CRACD: variants seen among roughly 807,000 people sequenced by gnomAD.
The protein encoded by CRACD is capping protein-inhibiting regulator of actin dynamics.
Under a neutral mutation model 106.8 loss-of-function variants are expected in CRACD, and 56 were observed. The ratio of observed to expected loss-of-function variants is 0.52; its 90% CI spans 0.42 to 0.66. The LOEUF (loss-of-function observed/expected upper bound fraction) is 0.66, where lower values mean the gene tolerates loss of function less well. Ranked by LOEUF, CRACD falls within the 30% of genes least tolerant of loss-of-function variation. The probability of loss-of-function intolerance (pLI) is 0.00; values close to 1 mark genes in which losing one functional copy is unlikely to be tolerated. For missense variants in CRACD, 1,730 were observed against 1,623.2 expected, an observed-to-expected ratio of 1.07 and a Z score of -1.13; for synonymous variants, 754 against 670.8, an observed-to-expected ratio of 1.12 and a Z score of -1.92.
chr4:56,244,564 G>GT (rs1324523484), intron 2 of CRACD, among the ~76,000 whole-genome samples: 1 of 152,190 alleles, frequency 6.6e-6, no homozygotes, highest in Non-Finnish European at 1.5e-5. Flanking sequence ...CAGGGTGGCT[G>GT]TATCAGTTGG....
At chr4:56,166,866 A>C (rs1442295567) in intron 1 of CRACD, among the ~76,000 whole-genome samples, 1 of 152,150 alleles carries the variant, frequency 6.6e-6, no homozygotes, top group Non-Finnish European at 1.5e-5. Context: ...GCCTTCAGCT[A>C]CAGTTTTCAA....
At chr4:56,177,329 T>C (rs1210986409) in intron 1 of CRACD, among the ~76,000 whole-genome samples, 1 of 152,232 alleles carries the variant, frequency 6.6e-6, no homozygotes, top group Non-Finnish European at 1.5e-5. Flanking sequence ...AATCATCATA[T>C]AGTTTTTGTC....
intron 1 of CRACD, among the ~76,000 whole-genome samples, chr4:56,137,644 G>C (rs568671897): frequency 6.6e-6 from 1 of 152,262 alleles, no homozygotes; most frequent in Admixed American, 6.5e-5. Flanking sequence ...CAGAACTCAG[G>C]TAACTTTTTA....
At chr4:56,071,644 G>T (rs1181004752) in intron 1 of CRACD, among the ~76,000 whole-genome samples, 1 of 151,906 alleles carries the variant, frequency 6.6e-6, no homozygotes, top group East Asian at 1.9e-4. Flanking sequence ...TGAGTAGCTG[G>T]TATTACAGAT....
At chr4:56,214,705 TA>T (rs1459364649) in intron 2 of CRACD, among the ~76,000 whole-genome samples, 1 of 85,296 alleles carries the variant, frequency 1.2e-5, no homozygotes, top group African/African-American at 4.1e-5. Flanking sequence ...ATCAAACAGT[TA>T]TTTTTTTTTA....
intron 2 of CRACD, among the ~76,000 whole-genome samples, chr4:56,238,225 T>C (rs1398427891): frequency 6.6e-6 from 1 of 152,224 alleles, no homozygotes; most frequent in Non-Finnish European, 1.5e-5. Context: ...GGCTGGAATC[T>C]TCTGAAGGCT....
intron 1 of CRACD, among the ~76,000 whole-genome samples, chr4:56,147,338 G>A (rs192367721): frequency 2.0e-5 from 3 of 152,272 alleles, no homozygotes; most frequent in East Asian, 1.9e-4. Context: ...TGGGATACTC[G>A]GTTATATCAT....
At chr4:56,135,606 T>C (rs374396808) in intron 1 of CRACD, among the ~76,000 whole-genome samples, 2 of 152,224 alleles carry the variant, frequency 1.3e-5, no homozygotes, top group South Asian at 4.1e-4. Flanking sequence ...CTTTATTTGA[T>C]GGATGCATGC....
At chr4:56,296,594 C>T (rs1160064748) in intron 3 of CRACD, among the ~76,000 whole-genome samples, 1 of 152,190 alleles carries the variant, frequency 6.6e-6, no homozygotes, top group Non-Finnish European at 1.5e-5. Context: ...GAGGCACTGC[C>T]TGGGAACACC....
chr4:56,188,282 C>A (rs1349111698), intron 2 of CRACD, among the ~76,000 whole-genome samples: 2 of 151,988 alleles, frequency 1.3e-5, no homozygotes, highest in African/African-American at 4.8e-5. Flanking sequence ...AACTGGAACC[C>A]CAATTTCTAA....
intron 1 of CRACD, among the ~76,000 whole-genome samples, chr4:56,144,873 C>G (rs1458914062): frequency 3.3e-5 from 5 of 151,746 alleles, no homozygotes; most frequent in Non-Finnish European, 7.4e-5. Flanking sequence ...AGGCTGGTCT[C>G]GAACTCCTGA....
At chr4:56,157,785 T>C (rs1465182813) in intron 1 of CRACD, among the ~76,000 whole-genome samples, 3 of 152,222 alleles carry the variant, frequency 2.0e-5, no homozygotes, top group South Asian at 4.1e-4. Context: ...AGGGCCAGGA[T>C]AACTTTGCCT....
Position 56,316,370 on chromosome 4 carries a change from A to G in CRACD, c.2868A>G (p.Pro956=), listed in dbSNP as rs199875393. ...PEHDKAANKM[P]LAQKPALAPK... ...ACGACAAGGCAGCAAACAAAATGCC[A>G]CTGGCACAAAAGCCAGCACTGGCTC... is the stretch of plus-strand genomic sequence containing the variant. Residue 956 remains proline (P), a synonymous_variant, in exon 8 of 11, where the codon CCA becomes CCG. Coordinates refer to ENST00000682029, the MANE Select transcript of CRACD (RefSeq NM_001393381.1). 870 of 1,614,136 alleles carry G rather than the reference A, an allele frequency of 5.4e-4. 7 individuals are homozygous for G. In the African/African-American group the frequency reaches 9.9e-3, roughly 18 times the overall value.
At chr4:56,151,473 A>AAAC (rs1735577146) in intron 1 of CRACD, among the ~76,000 whole-genome samples, 1 of 152,092 alleles carries the variant, frequency 6.6e-6, no homozygotes, top group Non-Finnish European at 1.5e-5. Context: ...TGAGCCGTTT[A>AAAC]AGAGTAAGTT....
At chr4:56,060,586 G>A (rs914023313) in intron 1 of CRACD, among the ~76,000 whole-genome samples, 6 of 152,086 alleles carry the variant, frequency 3.9e-5, no homozygotes, top group African/African-American at 1.4e-4. Flanking sequence ...GGCATGGAGG[G>A]GAGGGGCAGG....
At chr4:56,056,312 T>A (rs1732059595) in intron 1 of CRACD, among the ~76,000 whole-genome samples, 1 of 152,242 alleles carries the variant, frequency 6.6e-6, no homozygotes. Context: ...GAAAATGCTT[T>A]ATACTTCTTC....
chr4:56,307,720 G>A, intron 5 of CRACD, 21 bp downstream of exon 5: 1 of 1,613,282 alleles, frequency 6.2e-7, no homozygotes, highest in Non-Finnish European at 8.5e-7. Context: ...TCCAGGGAAT[G>A]ACTTGATGGC....
At chr4:56,269,893 A>C (rs2109640901) in intron 2 of CRACD, among the ~76,000 whole-genome samples, 1 of 152,360 alleles carries the variant, frequency 6.6e-6, no homozygotes, top group South Asian at 2.1e-4. Context: ...TGAGATGTAG[A>C]GGGAACAACA....
intron 3 of CRACD, among the ~76,000 whole-genome samples, chr4:56,280,149 G>C (rs1188771580): frequency 8.5e-6 from 1 of 117,000 alleles, no homozygotes; most frequent in African/African-American, 3.2e-5. Context: ...GTTGTGGGGT[G>C]GGGGGAGGGG....
Sources: allele counts gnomAD v4.1 joint callset (sites outside exome capture counted in the v4.1 genomes callset), GRCh38; gene constraint gnomAD v4.1.1; transcripts MANE v1.5; gene names NCBI Gene and HGNC (gene_info 2026-07-23, HGNC 2026-07-21).